ST7: variants seen among roughly 807,000 people sequenced by gnomAD.
ST7 encodes the protein suppressor of tumorigenicity 7 protein.
ST7 carries 28 observed loss-of-function variants against 78.7 expected under a neutral mutation model. The observed-to-expected ratio is 0.36, with a 90% CI of 0.26 to 0.49. The LOEUF (loss-of-function observed/expected upper bound fraction) is 0.49. ST7 is among the 20% of genes least tolerant of loss of function. The probability of loss-of-function intolerance (pLI) is 0.99; values close to 1 mark genes in which losing one functional copy is unlikely to be tolerated. For synonymous variants in ST7, 247 were observed against 249.6 expected (o/e 0.99, Z 0.10); for missense variants, 418 against 696.0 (o/e 0.60, Z 4.49).
At chr7:117,093,640 G>T (rs749925171) in intron 1 of ST7, among the ~76,000 whole-genome samples, 1 of 152,144 alleles carries the variant, frequency 6.6e-6, no homozygotes, top group Non-Finnish European at 1.5e-5. Context: ...GGCGGAGGTT[G>T]CAGTCAGCCA....
chr7:117,200,417 A>T (rs1455548814), intron 12 of ST7, among the ~76,000 whole-genome samples: 1 of 152,158 alleles, frequency 6.6e-6, no homozygotes, highest in African/African-American at 2.4e-5. Flanking sequence ...CAGAGCCAGT[A>T]CCCGTTCCTT....
At chr7:117,033,698 A>G (rs1199214062) in intron 1 of ST7, among the ~76,000 whole-genome samples, 2 of 152,190 alleles carry the variant, frequency 1.3e-5, no homozygotes, top group African/African-American at 4.8e-5. Context: ...TGCTGGGATT[A>G]CAGGCGTGAG....
intron 1 of ST7, chr7:116,955,078 A>C (rs1562974212): frequency 2.1e-6 from 1 of 470,124 alleles, no homozygotes; most frequent in Non-Finnish European, 4.4e-6. Context: ...CTGTCATCGG[A>C]AAGACCATGG....
chr7:117,168,520 C>G (rs1807735715), intron 9 of ST7, among the ~76,000 whole-genome samples: 1 of 151,982 alleles, frequency 6.6e-6, no homozygotes, highest in African/African-American at 2.4e-5. Context: ...AAAAAAAAAT[C>G]AAAGGGTAAT....
intron 2 of ST7, among the ~76,000 whole-genome samples, chr7:117,108,588 C>T (rs1031310134): frequency 2.6e-5 from 4 of 152,066 alleles, no homozygotes; most frequent in African/African-American, 9.7e-5. Flanking sequence ...TTTTAGGTTC[C>T]ATATGAATTT....
At chr7:117,020,471 A>G in intron 1 of ST7, 2 of 1,006,280 alleles carry the variant, frequency 2.0e-6, no homozygotes, top group South Asian at 1.8e-5. Flanking sequence ...CTTGGACTGC[A>G]TTGTCTGGCT....
intron 1 of ST7, among the ~76,000 whole-genome samples, chr7:117,099,046 C>CAAAAAA (rs754881472): frequency 0.016 from 488 of 30,712 alleles, 54 homozygotes; most frequent in East Asian, 0.075. Flanking sequence ...CTCACTTTCG[C>CAAAAAA]AAAAAAAAAA....
At chr7:117,107,889 G>A (rs1802108510) in intron 2 of ST7, among the ~76,000 whole-genome samples, 1 of 151,612 alleles carries the variant, frequency 6.6e-6, no homozygotes, top group Non-Finnish European at 1.5e-5. Flanking sequence ...TTCTGGGATT[G>A]TAGACGTCAG....
intron 1 of ST7, chr7:117,020,593 C>T: frequency 1.3e-6 from 2 of 1,550,040 alleles, no homozygotes; most frequent in Non-Finnish European, 8.7e-7. Context: ...TAAAAAGCAG[C>T]CTCTGGAGCC....
intron 1 of ST7, among the ~76,000 whole-genome samples, chr7:116,983,000 G>C (rs1161477573): frequency 6.6e-6 from 1 of 152,188 alleles, no homozygotes; most frequent in East Asian, 1.9e-4. Flanking sequence ...CCAGGTTCAA[G>C]CGATTCTCCT....
intron 1 of ST7, among the ~76,000 whole-genome samples, chr7:116,980,399 A>G (rs1028162416): frequency 3.3e-5 from 5 of 152,278 alleles, no homozygotes; most frequent in Admixed American, 6.5e-5. Flanking sequence ...CACATAATCA[A>G]TATACCCTAT....
chr7:116,977,784 C>T (rs1793770868), intron 1 of ST7, among the ~76,000 whole-genome samples: 1 of 152,202 alleles, frequency 6.6e-6, no homozygotes, highest in South Asian at 2.1e-4. Context: ...GATCTCTTGA[C>T]CTCATGATTC....
chr7:117,209,552 T>A (rs943187120), intron 12 of ST7, among the ~76,000 whole-genome samples: 9 of 152,242 alleles, frequency 5.9e-5, no homozygotes. Flanking sequence ...TAGAGTGTCT[T>A]AGCCTGAAAG....
chr7:117,229,278 G>A (rs759167562), intron 15 of ST7, among the ~76,000 whole-genome samples: 1 of 152,206 alleles, frequency 6.6e-6, no homozygotes, highest in Non-Finnish European at 1.5e-5. Flanking sequence ...TGGTGTCTGG[G>A]AGGCAGTAGG....
At position 117,230,069 on chromosome 7, in the gene ST7, A is replaced by G; in HGVS notation, c.*212A>G. 1 of 711,880 alleles carries G rather than the reference A, an allele frequency of 1.4e-6. No homozygotes were observed. Among genetic ancestry groups the G allele is most frequent in the Non-Finnish European group, 2.6e-6 (1 of 383,730 alleles). 44.1% of individuals were successfully genotyped at this position (711,880 alleles called of 1,614,324 possible). A position where few individuals can be genotyped will look rare whatever the true frequency, so the allele number is the denominator to read the frequency against. On this transcript the variant is annotated 3_prime_UTR_variant, in exon 16 of 16. Coordinates refer to ENST00000323984, the MANE Select transcript of ST7 (RefSeq NM_001369598.1). ...TTTTATTTTGCCTTCAGAAAAGAAG[A>G]AAGTCAAAAATAAAACTTTTGTGTA...
At chr7:117,165,602 G>A (rs750903846) in intron 9 of ST7, among the ~76,000 whole-genome samples, 4 of 152,152 alleles carry the variant, frequency 2.6e-5, no homozygotes, top group Admixed American at 6.5e-5. Flanking sequence ...ACCTATGATA[G>A]GTCGGTCACT....
chr7:116,957,022 T>C (rs777680351), intron 1 of ST7: 20 of 169,806 alleles, frequency 1.2e-4, no homozygotes, highest in Non-Finnish European at 2.4e-4. Context: ...AATCGTGGAA[T>C]TTAATTTAAA....
chr7:117,155,115 A>T (rs1806588155), intron 9 of ST7, among the ~76,000 whole-genome samples: 1 of 152,168 alleles, frequency 6.6e-6, no homozygotes, highest in African/African-American at 2.4e-5. Flanking sequence ...CCTAATTTAG[A>T]TAAGTGCTCA....
chr7:117,198,269 C>A, intron 12 of ST7: 1 of 453,214 alleles, frequency 2.2e-6, no homozygotes. Flanking sequence ...ACATGTTGGC[C>A]CCTTCGTTAT....
Sources: allele counts gnomAD v4.1 joint callset (sites outside exome capture counted in the v4.1 genomes callset), GRCh38; gene constraint gnomAD v4.1.1; transcripts MANE v1.5; gene names NCBI Gene and HGNC (gene_info 2026-07-23, HGNC 2026-07-21).